Variants in DAB1 observed in about 807,000 individuals in gnomAD.
The protein encoded by DAB1 is DAB adaptor protein 1.
DAB1 carries 15 observed loss-of-function variants against 64.6 expected under a neutral mutation model. The observed-to-expected ratio is 0.23, with a 90% CI of 0.16 to 0.36. The LOEUF (loss-of-function observed/expected upper bound fraction) is 0.36, where lower values mean the gene tolerates loss of function less well. Ranked by LOEUF, DAB1 falls within the 10% of genes least tolerant of loss-of-function variation. The pLI, the probability that DAB1 is intolerant of heterozygous loss-of-function variation, is 1.00. For synonymous variants in DAB1, 235 were observed against 251.9 expected (o/e 0.93, Z 0.64); for missense variants, 596 against 706.7 (o/e 0.84, Z 1.78).
chr1:57,472,973 A>G (rs907344280), intron 7 of DAB1, among the ~76,000 whole-genome samples: 1 of 152,156 alleles, frequency 6.6e-6, no homozygotes, highest in Non-Finnish European at 1.5e-5. Flanking sequence ...CCTCCTATTT[A>G]GTGCATGGAG....
At chr1:58,474,889 T>G (rs1184774096) in intron 3 of DAB1, among the ~76,000 whole-genome samples, 1 of 152,196 alleles carries the variant, frequency 6.6e-6, no homozygotes, top group Admixed American at 6.5e-5. Context: ...CCTCATTTTC[T>G]TATCTGTAAA....
chr1:57,369,228 T>G (rs976026125), intron 1 of DAB1, among the ~76,000 whole-genome samples: 1 of 152,174 alleles, frequency 6.6e-6, no homozygotes, highest in Admixed American at 6.5e-5. Context: ...TCACAGTGGC[T>G]AGGACATAGC....
chr1:58,447,823 T>C (rs1323828088), intron 3 of DAB1, among the ~76,000 whole-genome samples: 1 of 148,290 alleles, frequency 6.7e-6, no homozygotes, highest in East Asian at 2.0e-4. Flanking sequence ...GTTTTGCCTG[T>C]GAGTAGCATT....
chr1:57,022,666 CAAG>C (rs1646658070), intron 11 of DAB1, among the ~76,000 whole-genome samples: 1 of 152,124 alleles, frequency 6.6e-6, no homozygotes, highest in Admixed American at 6.5e-5. Flanking sequence ...GAAAAAAATG[CAAG>C]AAGATTGGTA....
intron 6 of DAB1, among the ~76,000 whole-genome samples, chr1:57,670,875 T>G (rs1646502691): frequency 6.6e-6 from 1 of 152,052 alleles, no homozygotes; most frequent in African/African-American, 2.4e-5. Context: ...TTCCAGGATC[T>G]CCCATGGATA....
chr1:57,816,165 CA>C (rs1651846060), intron 6 of DAB1, among the ~76,000 whole-genome samples: 1 of 152,160 alleles, frequency 6.6e-6, no homozygotes, highest in African/African-American at 2.4e-5. Context: ...CCTTGTCTGC[CA>C]AATGATGAAG....
intron 1 of DAB1, among the ~76,000 whole-genome samples, chr1:57,302,193 C>T (rs972004405): frequency 1.3e-5 from 2 of 152,176 alleles, no homozygotes; most frequent in Non-Finnish European, 2.9e-5. Context: ...AAAGCACACG[C>T]AACAGCAATA....
chr1:57,741,307 T>A (rs1266533915), intron 6 of DAB1, among the ~76,000 whole-genome samples: 1 of 152,238 alleles, frequency 6.6e-6, no homozygotes, highest in Non-Finnish European at 1.5e-5. Context: ...ATGTATTGAA[T>A]GTTTCTTATA....
chr1:57,593,728 T>G, intron 7 of DAB1, among the ~76,000 whole-genome samples: 1 of 152,060 alleles, frequency 6.6e-6, no homozygotes, highest in East Asian at 1.9e-4. Flanking sequence ...ATCAGGATTT[T>G]AAAAAAAGGG....
intron 3 of DAB1, among the ~76,000 whole-genome samples, chr1:58,369,325 T>A (rs935021112): frequency 1.3e-5 from 2 of 152,180 alleles, no homozygotes; most frequent in East Asian, 3.8e-4. Flanking sequence ...ACTAAGATAA[T>A]ACCATTGCTT....
chr1:57,940,140 C>G (rs1162701314), intron 5 of DAB1, among the ~76,000 whole-genome samples: 1 of 152,136 alleles, frequency 6.6e-6, no homozygotes, highest in African/African-American at 2.4e-5. Flanking sequence ...CTAGAGGTTC[C>G]CTTGCATAAA....
At chr1:57,678,510 C>G (rs1159437774) in intron 6 of DAB1, among the ~76,000 whole-genome samples, 1 of 152,066 alleles carries the variant, frequency 6.6e-6, no homozygotes, top group African/African-American at 2.4e-5. Context: ...CTATGGGGAC[C>G]AGTTAGTCAC....
chr1:57,753,356 C>T (rs906250133), intron 6 of DAB1, among the ~76,000 whole-genome samples: 1 of 152,164 alleles, frequency 6.6e-6, no homozygotes, highest in Admixed American at 6.6e-5. Context: ...GAACTGTAGA[C>T]TTCTGGCAGT....
chr1:57,092,906 G>GATTTTT (rs1653823222), intron 4 of DAB1, among the ~76,000 whole-genome samples: 1 of 152,010 alleles, frequency 6.6e-6, no homozygotes, highest in Non-Finnish European at 1.5e-5. Context: ...TCCTTTCCAG[G>GATTTTT]CCTTCCTTTT....
At chr1:57,388,630 G>T (rs1316306471) in intron 1 of DAB1, among the ~76,000 whole-genome samples, 1 of 152,094 alleles carries the variant, frequency 6.6e-6, no homozygotes, top group Non-Finnish European at 1.5e-5. Flanking sequence ...GCTTTAGTCT[G>T]CCTCGTCTCT....
intron 4 of DAB1, among the ~76,000 whole-genome samples, chr1:58,256,726 A>G (rs1348294339): frequency 6.6e-6 from 1 of 150,410 alleles, no homozygotes; most frequent in Non-Finnish European, 1.5e-5. Context: ...GTTCATCTCC[A>G]TAGCCCCAAA....
intron 5 of DAB1, among the ~76,000 whole-genome samples, chr1:57,927,506 G>C (rs984044948): frequency 7.2e-5 from 11 of 152,082 alleles, no homozygotes; most frequent in African/African-American, 2.2e-4. Flanking sequence ...GCAAGACTCT[G>C]TCTCAATTTA....
intron 6 of DAB1, among the ~76,000 whole-genome samples, chr1:57,792,044 GT>G (rs1282237695): frequency 1.3e-5 from 2 of 152,088 alleles, no homozygotes; most frequent in African/African-American, 4.8e-5. Context: ...CCTTTTCCTT[GT>G]CTATAAATTA....
chr1:57,120,815 T>A (rs1490274571), intron 4 of DAB1, among the ~76,000 whole-genome samples: 1 of 152,082 alleles, frequency 6.6e-6, no homozygotes, highest in Non-Finnish European at 1.5e-5. Context: ...TGAGTAGGAG[T>A]CCATTGCATG....
Sources: allele counts gnomAD v4.1 joint callset (sites outside exome capture counted in the v4.1 genomes callset), GRCh38; gene constraint gnomAD v4.1.1; transcripts MANE v1.5; gene names NCBI Gene and HGNC (gene_info 2026-07-23, HGNC 2026-07-21).